The following RTN4R variants were observed in gnomAD, a reference collection of about 807,000 sequenced individuals.
RTN4R encodes reticulon 4 receptor.
Under a neutral mutation model 27.7 loss-of-function variants are expected in RTN4R, and 4 were observed. That is an observed-to-expected ratio of 0.14 (90% confidence interval 0.07 to 0.33). The LOEUF (loss-of-function observed/expected upper bound fraction) is 0.33, where lower values mean the gene tolerates loss of function less well. Ranked by LOEUF, RTN4R falls within the 10% of genes least tolerant of loss-of-function variation. The pLI is 1.00. For missense variants in RTN4R, 554 were observed against 671.5 expected (o/e 0.83, Z 1.93); for synonymous variants, 290 against 305.6 (o/e 0.95, Z 0.53).
At chr22:20,246,374 G>C (rs1255740160) in intron 1 of RTN4R, among the ~76,000 whole-genome samples, 1 of 152,218 alleles carries the variant, frequency 6.6e-6, no homozygotes, top group Non-Finnish European at 1.5e-5. Flanking sequence ...AGGCAGCCCA[G>C]GTGGGCACCT....
intron 1 of RTN4R, among the ~76,000 whole-genome samples, chr22:20,265,219 C>T (rs2051270192): frequency 2.0e-5 from 3 of 152,222 alleles, no homozygotes; most frequent in African/African-American, 7.2e-5. Flanking sequence ...TACAAGGCTG[C>T]ACTGTTCCTG....
intron 1 of RTN4R, among the ~76,000 whole-genome samples, chr22:20,261,266 C>A (rs998472205): frequency 3.3e-5 from 5 of 152,194 alleles, no homozygotes; most frequent in African/African-American, 1.2e-4. Flanking sequence ...ACCTGGGAGG[C>A]CTCCAGGAGG....
intron 1 of RTN4R, chr22:20,249,313 T>C: frequency 2.1e-6 from 1 of 470,284 alleles, no homozygotes. Flanking sequence ...CCCATGCCCA[T>C]CTGCCTGCCT....
Position 20,268,144 on chromosome 22 carries a change from C to CG in RTN4R, c.-53dup. ...GGACTGAAAGTCGTTTCGGGGCGGG[C>CG]GCCCGTCTCCCCGCGGCCGGGTCCG... On this transcript the variant is annotated 5_prime_UTR_variant, in exon 1 of 2. Coordinates refer to ENST00000043402, the MANE Select transcript of RTN4R (RefSeq NM_023004.6). The CG allele has an allele frequency of 9.4e-7, 1 of 1,060,718 alleles. No homozygotes were observed. The highest frequency in any genetic ancestry group is 1.2e-6 in the Non-Finnish European group (1 of 863,350). 65.7% of individuals were successfully genotyped at this position (1,060,718 alleles called of 1,614,324 possible).
chr22:20,259,884 G>A (rs950669466), intron 1 of RTN4R, among the ~76,000 whole-genome samples: 22 of 152,180 alleles, frequency 1.4e-4, no homozygotes, highest in African/African-American at 5.1e-4. Context: ...GGTCCCTGCC[G>A]CCCAGCATGG....
At chr22:20,251,454 T>C (rs1317266670) in intron 1 of RTN4R, among the ~76,000 whole-genome samples, 2 of 149,210 alleles carry the variant, frequency 1.3e-5, no homozygotes, top group Non-Finnish European at 3.0e-5. Flanking sequence ...AAAAGTAGGC[T>C]GTGGAGGCAT....
At chr22:20,266,286 C>T (rs2051276110) in intron 1 of RTN4R, among the ~76,000 whole-genome samples, 1 of 152,228 alleles carries the variant, frequency 6.6e-6, no homozygotes, top group South Asian at 2.1e-4. Context: ...TGGTGGTGGC[C>T]AGGGGAGCAG....
At chr22:20,254,841 T>C (rs2051203004) in intron 1 of RTN4R, among the ~76,000 whole-genome samples, 1 of 151,926 alleles carries the variant, frequency 6.6e-6, no homozygotes, top group South Asian at 2.1e-4. Context: ...AGTAAGCCCA[T>C]GAGGGTGGTG....
intron 1 of RTN4R, among the ~76,000 whole-genome samples, chr22:20,256,683 C>A (rs1569040188): frequency 6.6e-6 from 1 of 152,236 alleles, no homozygotes; most frequent in Non-Finnish European, 1.5e-5. Flanking sequence ...GCCAGGCCTG[C>A]AGGAAGCCAT....
intron 1 of RTN4R, among the ~76,000 whole-genome samples, chr22:20,244,659 A>C (rs934653120): frequency 6.6e-6 from 1 of 151,044 alleles, no homozygotes; most frequent in African/African-American, 2.4e-5. Context: ...CTTTCTACAC[A>C]CTCTTCCTAG....
chr22:20,263,310 A>C (rs1432435695), intron 1 of RTN4R, among the ~76,000 whole-genome samples: 2 of 152,118 alleles, frequency 1.3e-5, no homozygotes, highest in Non-Finnish European at 2.9e-5. Flanking sequence ...TCCTGGGCAC[A>C]CCAGGCCCTG....
At chr22:20,244,476 C>A (rs2051128600) in intron 1 of RTN4R, among the ~76,000 whole-genome samples, 1 of 152,228 alleles carries the variant, frequency 6.6e-6, no homozygotes, top group South Asian at 2.1e-4. Flanking sequence ...CAGACCCCCT[C>A]CCCACAGCCT....
rs566547235 is a variant in RTN4R, at chr22:20,241,643, C to T, written c.*68G>A. 6 of 1,527,170 alleles carry T rather than the reference C, an allele frequency of 3.9e-6. No individual in the cohort carries two copies. The highest frequency in any genetic ancestry group is 2.5e-5 in the East Asian group (1 of 40,600). The allele number at this position is 1,527,170 out of a possible 1,614,324, so 94.6% of individuals were successfully genotyped here. ...CGGGTCGGCCGCCCGGCTGGCTTGGCGGCGTGGAGAGAGACCCCGTATGTA... is the reference window on the plus strand; with the variant it reads ...CGGGTCGGCCGCCCGGCTGGCTTGGTGGCGTGGAGAGAGACCCCGTATGTA... On this transcript the variant is annotated 3_prime_UTR_variant, in exon 2 of 2. Coordinates refer to ENST00000043402, the MANE Select transcript of RTN4R (RefSeq NM_023004.6).
chr22:20,246,052 A>G (rs1006842115), intron 1 of RTN4R, among the ~76,000 whole-genome samples: 4 of 151,982 alleles, frequency 2.6e-5, no homozygotes, highest in Admixed American at 6.5e-5. Flanking sequence ...GCCAATTAAC[A>G]TCTCTTCTTT....
intron 1 of RTN4R, chr22:20,249,360 C>G (rs956576636): frequency 7.2e-5 from 30 of 416,198 alleles, no homozygotes; most frequent in African/African-American, 5.9e-4. Flanking sequence ...CCCTGCAGGG[C>G]CCACATCCAC....
chr22:20,246,428 C>A (rs1475397632), intron 1 of RTN4R, among the ~76,000 whole-genome samples: 1 of 150,362 alleles, frequency 6.7e-6, no homozygotes, highest in Admixed American at 6.7e-5. Flanking sequence ...ACGTTCACTG[C>A]AGGAGGGAGT....
At chr22:20,260,277 C>T (rs1279026299) in intron 1 of RTN4R, among the ~76,000 whole-genome samples, 2 of 152,180 alleles carry the variant, frequency 1.3e-5, no homozygotes, top group African/African-American at 4.8e-5. Context: ...CCCCATCCCT[C>T]GGGAGGCCCT....
intron 1 of RTN4R, among the ~76,000 whole-genome samples, chr22:20,260,064 A>G (rs188320591): frequency 4.7e-4 from 71 of 152,186 alleles, no homozygotes; most frequent in Non-Finnish European, 8.7e-4. Context: ...TCCCCAGGGG[A>G]CACTTGGGGT....
intron 1 of RTN4R, among the ~76,000 whole-genome samples, chr22:20,266,880 AC>A (rs1272891301): frequency 1.3e-5 from 2 of 152,230 alleles, no homozygotes; most frequent in African/African-American, 2.4e-5. Flanking sequence ...ACCAAGTTAC[AC>A]ACACGCACAC....
Sources: gnomAD v4.1 joint callset for allele counts (sites outside exome capture counted in the v4.1 genomes callset) on GRCh38, gnomAD v4.1.1 for gene constraint, MANE v1.5 for transcripts, NCBI Gene and HGNC (gene_info 2026-07-23, HGNC 2026-07-21) for gene names.